The following NKD1 variants were observed in gnomAD, a reference collection of about 807,000 sequenced individuals.
NKD1 encodes protein naked cuticle homolog 1.
In NKD1, 21 loss-of-function variants were observed where a neutral mutation model predicts 56.0. That is an observed-to-expected ratio of 0.38 (90% CI 0.27 to 0.54). The LOEUF is 0.54. Ranked by LOEUF, NKD1 falls within the 20% of genes least tolerant of loss-of-function variation. The probability of loss-of-function intolerance (pLI) is 0.82; values close to 1 mark genes in which losing one functional copy is unlikely to be tolerated. For synonymous variants in NKD1, 263 were observed against 265.7 expected (o/e 0.99, Z 0.10); for missense variants, 578 against 642.7 (o/e 0.90, Z 1.09).
chr16:50,593,473 C>A (rs1596726901), intron 3 of NKD1, among the ~76,000 whole-genome samples: 2 of 152,268 alleles, frequency 1.3e-5, no homozygotes, highest in East Asian at 1.9e-4. Flanking sequence ...TCAGTAGGGT[C>A]AGGCTCTCAG....
intron 2 of NKD1, chr16:50,548,956 C>T: frequency 8.3e-6 from 8 of 968,394 alleles, no homozygotes; most frequent in Non-Finnish European, 9.8e-6. Flanking sequence ...GCGCTCCCAC[C>T]GCTGACCCTC....
chr16:50,552,726 CTG>C (rs1219121599), intron 3 of NKD1, among the ~76,000 whole-genome samples: 2 of 152,208 alleles, frequency 1.3e-5, no homozygotes, highest in African/African-American at 4.8e-5. Flanking sequence ...GGGATTATAA[CTG>C]TTGAACCTGG....
intron 8 of NKD1, among the ~76,000 whole-genome samples, chr16:50,631,729 C>T (rs746447112): frequency 4.6e-5 from 7 of 152,170 alleles, no homozygotes; most frequent in Admixed American, 1.3e-4. Context: ...AAAAGAAAGC[C>T]TCTGGCAGCA....
intron 3 of NKD1, 137 bp downstream of exon 3, chr16:50,549,692 G>T: frequency 1.1e-6 from 1 of 910,726 alleles, no homozygotes; most frequent in Non-Finnish European, 1.6e-6. Context: ...GCTGCCCCCT[G>T]CCCCACCAAC....
chr16:50,567,090 G>A (rs1239156140), intron 3 of NKD1, among the ~76,000 whole-genome samples: 1 of 151,720 alleles, frequency 6.6e-6, no homozygotes, highest in African/African-American at 2.4e-5. Flanking sequence ...GGTGCATAGA[G>A]CTTAGGACCA....
intron 3 of NKD1, among the ~76,000 whole-genome samples, chr16:50,561,704 C>A (rs2151263985): frequency 6.6e-6 from 1 of 152,286 alleles, no homozygotes; most frequent in South Asian, 2.1e-4. Context: ...ACGGCCAGGA[C>A]TCTTTAAGGT....
At chr16:50,604,720 CA>C (rs1859098330) in intron 3 of NKD1, among the ~76,000 whole-genome samples, 1 of 152,252 alleles carries the variant, frequency 6.6e-6, no homozygotes, top group Non-Finnish European at 1.5e-5. Flanking sequence ...ATGCCCTCTG[CA>C]CAGGGGCTTC....
rs772780929 is a variant in NKD1 at position 50,633,340 on chromosome 16, A to C, written c.972A>C (p.Pro324=). 5 of 1,613,944 alleles carry C rather than the reference A, an allele frequency of 3.1e-6. No homozygotes were observed. The highest frequency in any genetic ancestry group is 4.2e-6 in the Non-Finnish European group (5 of 1,179,944). ...DPASFHFLDT[P]IAKVSELQQR... ...CCTCCTTCCACTTCCTTGACACCCC[A>C]ATCGCCAAGGTCTCAGAGCTCCAGC... Residue 324 remains proline (P), a synonymous_variant, in exon 10 of 10, where the codon CCA becomes CCC. Coordinates refer to ENST00000268459, the MANE Select transcript of NKD1 (RefSeq NM_033119.5). The surrounding 1 kb of genome is among the most constrained non-coding windows in gnomAD (Gnocchi z 4.9).
At chr16:50,609,338 G>C (rs1019649983) in intron 4 of NKD1, among the ~76,000 whole-genome samples, 5 of 152,254 alleles carry the variant, frequency 3.3e-5, no homozygotes, top group South Asian at 2.1e-4. Context: ...ACAGCGTGAA[G>C]CAGAGTGTTT....
chr16:50,632,919 T>A lies in NKD1; in HGVS notation c.824-273T>A, dbSNP rs548954278. Among the ~76,000 whole-genome samples the A allele has an allele frequency of 2.6e-5, 4 of 152,224 alleles. No individual in the cohort carries two copies. The highest frequency in any genetic ancestry group is 5.9e-5 in the Non-Finnish European group (4 of 68,044). On this transcript the variant is annotated intron_variant, in intron 9 of 9. Transcript: ENST00000268459. This position sits in a 1 kb window ranked among gnomAD's most constrained non-coding sequence, Gnocchi z 4.1. ...GAGTTCTTTCTTGCCCCAGTGACCT[T>A]AGATAGTTTTCGGGGTCTCTGCTGC...
At chr16:50,619,029 A>C (rs764175589) in intron 4 of NKD1, among the ~76,000 whole-genome samples, 3 of 152,216 alleles carry the variant, frequency 2.0e-5, no homozygotes, top group Non-Finnish European at 4.4e-5. Context: ...CAAGTGGAAC[A>C]TGAAAGGCAA....
chr16:50,609,259 C>T (rs1038106067), intron 4 of NKD1, among the ~76,000 whole-genome samples: 2 of 152,238 alleles, frequency 1.3e-5, no homozygotes, highest in Admixed American at 1.3e-4. Flanking sequence ...CCTCAGCTTC[C>T]ACATCTATAG....
In NKD1 at chr16:50,625,499, C is replaced by T. The variant is rs775990090; in HGVS notation, c.381C>T (p.Asp127=). 13 of 1,611,950 alleles carry T rather than the reference C, an allele frequency of 8.1e-6. No individual in the cohort carries two copies. The highest frequency in any genetic ancestry group is 1.6e-4 in the Middle Eastern group (1 of 6,080). ...TCTGCATCCAGGAGCTCCAGTGCGA[C>T]GTGTCCATGGAGGAGGACAGCCGGC... is the stretch of plus-strand genomic sequence containing the variant. ...KQLKFEELQC[D]VSMEEDSRQE... is the part of the protein sequence containing the mutation. The change falls in exon 6 of 10, where the codon GAC becomes GAT. Residue 127 remains aspartate, a synonymous_variant. Coordinates refer to ENST00000268459, the MANE Select transcript of NKD1 (RefSeq NM_033119.5).
intron 8 of NKD1, among the ~76,000 whole-genome samples, chr16:50,631,319 C>A (rs898914969): frequency 6.6e-6 from 1 of 152,084 alleles, no homozygotes; most frequent in Non-Finnish European, 1.5e-5. Context: ...GCTTTTTGGA[C>A]TTCAGAATGG....
intron 3 of NKD1, among the ~76,000 whole-genome samples, chr16:50,579,020 C>T (rs573530064): frequency 2.0e-5 from 3 of 152,284 alleles, no homozygotes; most frequent in South Asian, 2.1e-4. Context: ...TCTCTCAGTC[C>T]CACAGGCTGC....
rs891025285 is a variant in NKD1 at position 50,598,319 on chromosome 16, G to C, written c.193-9975G>C. 1.3e-5 allele frequency among the ~76,000 whole-genome samples: 2 copies of C among 151,804 alleles called. No individual in the cohort carries two copies. Among genetic ancestry groups the C allele is most frequent in the African/African-American group, 4.8e-5 (2 of 41,260 alleles). ...TCCTGTCCGTAAAATGAGGCCTCAG[G>C]GTATAGGAATCAAGAGGCTCTTACT... On this transcript the variant is annotated intron_variant, in intron 3 of 9. Coordinates refer to ENST00000268459, the MANE Select transcript of NKD1 (RefSeq NM_033119.5). The surrounding 1 kb of genome is among the most constrained non-coding windows in gnomAD (Gnocchi z 4.2).
At chr16:50,606,965 C>T (rs984534691) in intron 3 of NKD1, 14 of 456,684 alleles carry the variant, frequency 3.1e-5, no homozygotes, top group African/African-American at 4.0e-5. Flanking sequence ...CCTGTCAACT[C>T]GGGCTCTGTT....
chr16:50,580,111 C>T (rs895964659), intron 3 of NKD1, among the ~76,000 whole-genome samples: 11 of 152,202 alleles, frequency 7.2e-5, no homozygotes, highest in Non-Finnish European at 8.8e-5. Context: ...CACCCCAACC[C>T]GCTACACATG....
At chr16:50,588,501 T>C (rs1961277166) in intron 3 of NKD1, among the ~76,000 whole-genome samples, 1 of 152,060 alleles carries the variant, frequency 6.6e-6, no homozygotes. Context: ...GCAGGGTGGC[T>C]AGAGCTCAGC....
Sources: allele counts gnomAD v4.1 joint callset (sites outside exome capture counted in the v4.1 genomes callset), GRCh38; gene constraint gnomAD v4.1.1; non-coding constraint Gnocchi (gnomAD v3.1); transcripts MANE v1.5; gene names NCBI Gene and HGNC (gene_info 2026-07-23, HGNC 2026-07-21).